CDH4: variants seen among roughly 807,000 people sequenced by gnomAD.
CDH4 encodes cadherin-4.
In CDH4, 33 loss-of-function variants were observed where a neutral mutation model predicts 86.0. The ratio of observed to expected loss-of-function variants is 0.38; its 90% CI spans 0.29 to 0.51. The LOEUF (loss-of-function observed/expected upper bound fraction) is 0.51, where lower values mean the gene tolerates loss of function less well. Among genes scored for constraint, CDH4 ranks in the 20% least tolerant of loss-of-function variants. The pLI is 0.86. For missense variants in CDH4, 1,114 were observed against 1,307.4 expected (o/e 0.85, Z 2.28); for synonymous variants, 555 against 549.4 (o/e 1.01, Z -0.14).
chr20:61,724,570 G>A (rs1171264317), intron 2 of CDH4, among the ~76,000 whole-genome samples: 1 of 152,228 alleles, frequency 6.6e-6, no homozygotes, highest in Non-Finnish European at 1.5e-5. Context: ...GCAGCAGGAA[G>A]TGGAGAGATG....
intron 2 of CDH4, among the ~76,000 whole-genome samples, chr20:61,595,481 G>A (rs114454066): frequency 0.015 from 2,243 of 152,348 alleles, 47 homozygotes; most frequent in African/African-American, 0.042. Flanking sequence ...ACGGAAGGAC[G>A]GGCTGTGGCA....
chr20:61,445,710 C>T (rs1478582508), intron 2 of CDH4, among the ~76,000 whole-genome samples: 2 of 152,140 alleles, frequency 1.3e-5, no homozygotes, highest in African/African-American at 2.4e-5. Context: ...ACAGTGCTCT[C>T]GATTTTTAAA....
At chr20:61,706,849 G>T (rs1317430405) in intron 2 of CDH4, among the ~76,000 whole-genome samples, 1 of 152,202 alleles carries the variant, frequency 6.6e-6, no homozygotes, top group Non-Finnish European at 1.5e-5. Context: ...CTCCACATTA[G>T]CCGCATGACC....
chr20:61,565,265 GGTGGTC>G (rs1568688760), intron 2 of CDH4, among the ~76,000 whole-genome samples: 282 of 21,730 alleles, frequency 0.013, 35 homozygotes, highest in Non-Finnish European at 0.014. Context: ...TGATGGTGGT[GGTGGTC>G]CTCTTGGTGA....
intron 4 of CDH4, among the ~76,000 whole-genome samples, chr20:61,799,491 C>G (rs772633639): frequency 7.2e-5 from 11 of 152,196 alleles, no homozygotes; most frequent in Non-Finnish European, 1.3e-4. Context: ...GGCACCTGTG[C>G]CCAGAGCCTG....
intron 2 of CDH4, among the ~76,000 whole-genome samples, chr20:61,475,134 T>C (rs1037508881): frequency 6.6e-6 from 1 of 152,198 alleles, no homozygotes; most frequent in African/African-American, 2.4e-5. Context: ...TGAAAGTCAC[T>C]GTACAAAAGG....
intron 2 of CDH4, among the ~76,000 whole-genome samples, chr20:61,504,837 C>T (rs540734158): frequency 3.9e-5 from 6 of 152,324 alleles, no homozygotes; most frequent in Middle Eastern, 6.8e-3. Flanking sequence ...AGAAAGCACA[C>T]GCTCCGCTTC....
At chr20:61,372,559 C>T (rs2084846640) in intron 2 of CDH4, among the ~76,000 whole-genome samples, 1 of 152,240 alleles carries the variant, frequency 6.6e-6, no homozygotes, top group African/African-American at 2.4e-5. Context: ...TGGAGCCCTG[C>T]CGGACCTCTG....
chr20:61,425,502 C>T (rs2145508446), intron 2 of CDH4, among the ~76,000 whole-genome samples: 1 of 152,300 alleles, frequency 6.6e-6, no homozygotes, highest in African/African-American at 2.4e-5. Flanking sequence ...CTGAGCAGGA[C>T]GTGGGCTCTG....
chr20:61,524,785 C>A (rs2085898308), intron 2 of CDH4, among the ~76,000 whole-genome samples: 1 of 152,316 alleles, frequency 6.6e-6, no homozygotes, highest in East Asian at 1.9e-4. Context: ...ACCTGACCAA[C>A]TGTTTCAAAA....
At chr20:61,387,727 C>T (rs371985108) in intron 2 of CDH4, among the ~76,000 whole-genome samples, 107 of 152,286 alleles carry the variant, frequency 7.0e-4, no homozygotes, top group African/African-American at 2.2e-3. Flanking sequence ...CATTGGTCCA[C>T]GCAAGCCTCT....
At chr20:61,646,458 A>G (rs954385984) in intron 2 of CDH4, among the ~76,000 whole-genome samples, 3 of 152,216 alleles carry the variant, frequency 2.0e-5, no homozygotes, top group Non-Finnish European at 2.9e-5. Context: ...CATGGGTGTC[A>G]GACACACCTG....
intron 7 of CDH4, among the ~76,000 whole-genome samples, chr20:61,877,237 C>T (rs1402700888): frequency 6.6e-6 from 1 of 152,174 alleles, no homozygotes; most frequent in African/African-American, 2.4e-5. Flanking sequence ...GAGATCTCCC[C>T]ACCCACTGGC....
intron 2 of CDH4, chr20:61,599,737 C>T: frequency 1.0e-6 from 1 of 954,268 alleles, no homozygotes; most frequent in Non-Finnish European, 1.2e-6. Context: ...GCTCCTCCTC[C>T]TGACGCGGCT....
At chr20:61,852,673 C>T (rs1982779417) in intron 5 of CDH4, 81 bp from the exon 6 acceptor site, 23 of 1,475,552 alleles carry the variant, frequency 1.6e-5, no homozygotes, top group Admixed American at 4.3e-5. Flanking sequence ...TCTCCTACCC[C>T]AGCACCGCGG....
intron 2 of CDH4, among the ~76,000 whole-genome samples, chr20:61,466,140 GT>G (rs2085470438): frequency 6.6e-6 from 1 of 152,164 alleles, no homozygotes; most frequent in South Asian, 2.1e-4. Context: ...GGCTGCCCTT[GT>G]ACCACAACAG....
chr20:61,873,367 C>T (rs1469391531), intron 6 of CDH4, among the ~76,000 whole-genome samples: 9 of 152,226 alleles, frequency 5.9e-5, no homozygotes. Context: ...GCACCTTGGA[C>T]GCACTGTCGG....
chr20:61,484,514 G>A (rs2085585268), intron 2 of CDH4, among the ~76,000 whole-genome samples: 1 of 152,226 alleles, frequency 6.6e-6, no homozygotes. Flanking sequence ...TGGATGCTGA[G>A]CAACCTTACT....
At chr20:61,716,682 G>A (rs1024751483) in intron 2 of CDH4, among the ~76,000 whole-genome samples, 4 of 152,192 alleles carry the variant, frequency 2.6e-5, no homozygotes, top group African/African-American at 9.7e-5. Context: ...GCCGAGGCAG[G>A]AGGATCATCT....
Sources: allele counts gnomAD v4.1 joint callset (sites outside exome capture counted in the v4.1 genomes callset), GRCh38; gene constraint gnomAD v4.1.1; transcripts MANE v1.5; gene names NCBI Gene and HGNC (gene_info 2026-07-23, HGNC 2026-07-21).